SMURF1: variants seen among roughly 807,000 people sequenced by gnomAD.
SMURF1 encodes the protein E3 ubiquitin-protein ligase SMURF1.
A neutral mutation model predicts 98.0 loss-of-function variants in SMURF1; 44 were observed. That is an observed-to-expected ratio of 0.45 (90% confidence interval 0.35 to 0.58). The LOEUF is 0.58. SMURF1 is among the 20% of genes least tolerant of loss of function. SMURF1 has a pLI of 0.00. For synonymous variants in SMURF1, 396 were observed against 374.9 expected, an observed-to-expected ratio of 1.06 and a Z score of -0.65; for missense variants, 687 against 938.4, an observed-to-expected ratio of 0.73 and a Z score of 3.50.
chr7:99,030,482 C>CT lies in SMURF1; in HGVS notation c.*101dup. 1.0e-6 allele frequency: 1 copy of CT among 967,324 alleles called. No individual in the cohort carries two copies. The allele number at this position is 967,324 out of a possible 1,614,324, so 59.9% of individuals were successfully genotyped here. A position where few individuals can be genotyped will look rare whatever the true frequency, so the allele number is the denominator to read the frequency against. On this transcript the variant is annotated 3_prime_UTR_variant, in exon 18 of 18. Transcript: ENST00000361368. ...AGACAACCCTTTCCCCTCAGGTGATCTGGAATTCCAGGGCCTCTGCCAGCT... is the reference window on the plus strand; with the variant it reads ...AGACAACCCTTTCCCCTCAGGTGATCTTGGAATTCCAGGGCCTCTGCCAGCT...
rs533245562 is a variant in SMURF1 at position 99,106,083 on chromosome 7, T to C, written c.55+37643A>G. ...TCTCTCCATACTTCTGTGATTCTCTTCACCATTCCATCTTTCCCTTCCCAA... is the reference window on the plus strand; with the variant it reads ...TCTCTCCATACTTCTGTGATTCTCTCCACCATTCCATCTTTCCCTTCCCAA... On this transcript the variant is annotated intron_variant, in intron 1 of 17. Coordinates refer to ENST00000361368, the MANE Select transcript of SMURF1 (RefSeq NM_181349.3). Among the ~76,000 whole-genome samples, 5 of 152,332 alleles carry C rather than the reference T, an allele frequency of 3.3e-5. No homozygotes were observed. The South Asian group carries it at 6.2e-4, about 19-fold the overall frequency.
intron 1 of SMURF1, among the ~76,000 whole-genome samples, chr7:99,111,247 T>C (rs1797313860): frequency 6.6e-6 from 1 of 152,180 alleles, no homozygotes; most frequent in Non-Finnish European, 1.5e-5. Context: ...CCTAAAAAGA[T>C]GTTTATCCAA....
At chr7:99,072,611 C>G (rs897660440) in intron 1 of SMURF1, among the ~76,000 whole-genome samples, 10 of 152,070 alleles carry the variant, frequency 6.6e-5, no homozygotes, top group Admixed American at 5.2e-4. Context: ...CCATTGGACT[C>G]CAGCCTGGAG....
At chr7:99,140,099 T>C (rs993380813) in intron 1 of SMURF1, among the ~76,000 whole-genome samples, 1 of 152,114 alleles carries the variant, frequency 6.6e-6, no homozygotes, top group Non-Finnish European at 1.5e-5. Context: ...ATAATGGAGC[T>C]GAAATCTCAT....
intron 1 of SMURF1, among the ~76,000 whole-genome samples, chr7:99,138,107 C>A (rs1472794916): frequency 1.3e-5 from 2 of 149,662 alleles, no homozygotes; most frequent in African/African-American, 2.5e-5. Flanking sequence ...TGTTCAGTGA[C>A]AAAAAAAAAA....
At chr7:99,045,840 C>G (rs1473022736) in intron 10 of SMURF1, 39 bp from the exon 11 acceptor site, 2 of 1,489,514 alleles carry the variant, frequency 1.3e-6, no homozygotes, top group Admixed American at 3.3e-5. Flanking sequence ...GAAGAACATT[C>G]TTATTCTTAA....
chr7:99,063,279 A>AAGATT lies in SMURF1; in HGVS notation c.56-1443_56-1442insAATCT, dbSNP rs1209151604. On this transcript the variant is annotated intron_variant, in intron 1 of 17. Coordinates refer to ENST00000361368, the MANE Select transcript of SMURF1 (RefSeq NM_181349.3). Reference sequence around the variant, plus strand: ...TATATATATATATATATATATATATATATATATATATATATATATATATAT... The same window carrying AAGATT: ...TATATATATATATATATATATATATAAGATTTATATATATATATATATATATATAT... Among the ~76,000 whole-genome samples the AAGATT allele has an allele frequency of 5.7e-3, 110 of 19,364 alleles. 3 individuals are homozygous for AAGATT. The highest frequency in any genetic ancestry group is 0.026 in the Middle Eastern group (1 of 38). The allele number at this position is 19,364 out of a possible 152,430, so 12.7% of individuals were successfully genotyped here. A position where few individuals can be genotyped will look rare whatever the true frequency, so the allele number is the denominator to read the frequency against.
At chr7:99,087,299 T>C (rs1796704203) in intron 1 of SMURF1, among the ~76,000 whole-genome samples, 2 of 152,184 alleles carry the variant, frequency 1.3e-5, no homozygotes, top group East Asian at 3.9e-4. Flanking sequence ...GTGGGAGGAC[T>C]GCTTGAGCCC....
intron 9 of SMURF1, 78 bp from the exon 10 acceptor site, chr7:99,047,960 T>G (rs1229236245): frequency 1.4e-5 from 19 of 1,350,002 alleles, no homozygotes; most frequent in Non-Finnish European, 9.4e-6. Context: ...CGCGACAGGG[T>G]CAGAGGAGAG....
chr7:99,131,952 A>C (rs1040915944), intron 1 of SMURF1, among the ~76,000 whole-genome samples: 3 of 152,156 alleles, frequency 2.0e-5, no homozygotes, highest in Non-Finnish European at 4.4e-5. Context: ...AAGCTTGGGC[A>C]AGGGGCAAAT....
chr7:99,045,357 G>A (rs1432057748), intron 11 of SMURF1, among the ~76,000 whole-genome samples: 1 of 152,196 alleles, frequency 6.6e-6, no homozygotes, highest in Non-Finnish European at 1.5e-5. Flanking sequence ...ACAGAGGAGA[G>A]CAAGGCTGCC....
At chr7:99,060,057 C>T (rs1795992703) in intron 3 of SMURF1, among the ~76,000 whole-genome samples, 2 of 151,786 alleles carry the variant, frequency 1.3e-5, no homozygotes, top group South Asian at 4.1e-4. Flanking sequence ...ATCACATGTA[C>T]AAAACCAAAC....
At chr7:99,115,277 A>C (rs1797412203) in intron 1 of SMURF1, among the ~76,000 whole-genome samples, 1 of 152,138 alleles carries the variant, frequency 6.6e-6, no homozygotes, top group African/African-American at 2.4e-5. Context: ...GAAGATTTCA[A>C]TCACTAGAAA....
In SMURF1 at chr7:99,143,736, G is replaced by A. The variant is rs377722797; in HGVS notation, c.45C>T (p.Ile15=). Residue 15 remains isoleucine (I), a synonymous_variant, in exon 1 of 18, where the codon ATC becomes ATT. Transcript: ENST00000361368. ...GTRRNGSSIK[I]RLTVLCAKNL... ...TCCCGCCGGCCGTACCTGTCAGACG[G>A]ATCTTGATGCTGGAGCCGTTCCTGC... 5 of 1,562,260 alleles carry A rather than the reference G, an allele frequency of 3.2e-6. No homozygotes were observed. The African/African-American group carries it at 4.3e-5, about 13-fold the overall frequency.
intron 1 of SMURF1, among the ~76,000 whole-genome samples, chr7:99,073,143 C>T (rs556647233): frequency 2.0e-5 from 3 of 152,072 alleles, no homozygotes; most frequent in Admixed American, 6.5e-5. Context: ...TCTGGGAGGC[C>T]GAGGCGGGTG....
intron 1 of SMURF1, among the ~76,000 whole-genome samples, chr7:99,100,766 TAA>T (rs1426882762): frequency 6.6e-6 from 1 of 152,158 alleles, no homozygotes; most frequent in Non-Finnish European, 1.5e-5. Context: ...AACTGAGACT[TAA>T]AACAGAAGAC....
chr7:99,094,335 T>C (rs116284583), intron 1 of SMURF1, among the ~76,000 whole-genome samples: 1,668 of 152,324 alleles, frequency 0.011, 31 homozygotes, highest in African/African-American at 0.037. Context: ...ATATATCAAC[T>C]TAAATTTTAA....
chr7:99,052,477 G>A (rs756748646), intron 6 of SMURF1, 31 bp from the exon 7 acceptor site: 14 of 1,490,812 alleles, frequency 9.4e-6, no homozygotes, highest in East Asian at 2.4e-5. Flanking sequence ...CAGGCATGGT[G>A]TCACCATGGA....
In SMURF1 at chr7:99,040,756, C is replaced by T. The variant is rs747519598; in HGVS notation, c.1372-200G>A. On this transcript the variant is annotated intron_variant, in intron 12 of 17. Transcript: ENST00000361368. Reference sequence around the variant, plus strand: ...AAATTTGCCTAGATTCGCTGGACAGCGTTTTGTATGCTCTCAGGGCCAACA... The same window carrying T: ...AAATTTGCCTAGATTCGCTGGACAGTGTTTTGTATGCTCTCAGGGCCAACA... Among the ~76,000 whole-genome samples the T allele has an allele frequency of 4.5e-4, 68 of 152,330 alleles. 1 individual carries two copies. The highest frequency in any genetic ancestry group is 3.8e-4 in the African/African-American group (16 of 41,576).
Sources: allele counts gnomAD v4.1 joint callset (sites outside exome capture counted in the v4.1 genomes callset), GRCh38; gene constraint gnomAD v4.1.1; transcripts MANE v1.5; gene names NCBI Gene and HGNC (gene_info 2026-07-23, HGNC 2026-07-21).